The following UNC80 variants were observed in gnomAD, a reference collection of about 807,000 sequenced individuals.
The protein encoded by UNC80 is protein unc-80 homolog.
Under a neutral mutation model 384.6 loss-of-function variants are expected in UNC80, and 164 were observed. The observed-to-expected ratio is 0.43, with a 90% CI of 0.38 to 0.49. UNC80 has a LOEUF of 0.49. UNC80 is among the 20% of genes least tolerant of loss of function. UNC80 has a pLI of 0.00. For synonymous variants in UNC80, 1,486 were observed against 1,527.8 expected (o/e 0.97, Z 0.64); for missense variants, 3,330 against 4,143.0 (o/e 0.80, Z 5.39).
chr2:209,955,205 T>G (rs572040594), intron 48 of UNC80, among the ~76,000 whole-genome samples: 5 of 152,198 alleles, frequency 3.3e-5, no homozygotes, highest in African/African-American at 1.2e-4. Context: ...AGTGTGAAAT[T>G]GTCTACGCCT....
chr2:209,903,320 A>ATATGTGTGTG (rs1553582548), intron 28 of UNC80, among the ~76,000 whole-genome samples: 94 of 105,784 alleles, frequency 8.9e-4, no homozygotes, highest in African/African-American at 3.3e-3. Flanking sequence ...ATTATATTAT[A>ATATGTGTGTG]TGTGTGTGTG....
At chr2:209,942,039 G>A (rs1234861137) in intron 44 of UNC80, among the ~76,000 whole-genome samples, 1 of 152,162 alleles carries the variant, frequency 6.6e-6, no homozygotes, top group South Asian at 2.1e-4. Flanking sequence ...TGGTTTTGAT[G>A]CCCTAGAACA....
rs530862952 is a variant in UNC80 at position 209,825,919 on chromosome 2, C to T, written c.2344C>T (p.Pro782Ser). The change falls in exon 14 of 65, where the codon CCT becomes TCT. Residue 782 changes from proline to serine, a missense_variant. Around this residue, in one of 8 missense-constraint regions of UNC80, gnomAD observed 937 missense variants for 1,026.8 expected, o/e 0.91. Transcript: ENST00000673920. ...TCGTGGGTACCAGGATGAAAGTACA[C>T]CTGTAAGCAACCATAGGCTTGCTCT... ...DKNQEKDEST[P>S]VSNHRLALTM... 1.9e-6 allele frequency: 3 copies of T among 1,545,584 alleles called. No individual in the cohort carries two copies. The African/African-American group carries it at 4.1e-5, about 21-fold the overall frequency.
chr2:209,889,589 C>T (rs2124909255), intron 26 of UNC80, among the ~76,000 whole-genome samples: 1 of 152,180 alleles, frequency 6.6e-6, no homozygotes, highest in East Asian at 1.9e-4. Context: ...GTTTGCTGCA[C>T]CCATCAACCT....
chr2:209,966,505 A>G (rs1297020020), intron 51 of UNC80, among the ~76,000 whole-genome samples: 3 of 152,364 alleles, frequency 2.0e-5, no homozygotes, highest in Non-Finnish European at 1.5e-5. Context: ...CTTTAAGGCT[A>G]TGTACATCAT....
At chr2:209,911,253 GA>G (rs2088906399) in intron 29 of UNC80, among the ~76,000 whole-genome samples, 2 of 152,128 alleles carry the variant, frequency 1.3e-5, no homozygotes, top group East Asian at 1.9e-4. Flanking sequence ...TATTAATGTG[GA>G]AAACTATTGC....
At chr2:209,857,779 T>C (rs2083044678) in intron 22 of UNC80, among the ~76,000 whole-genome samples, 1 of 152,230 alleles carries the variant, frequency 6.6e-6, no homozygotes, top group South Asian at 2.1e-4. Flanking sequence ...AAGTACTTTC[T>C]AATTTCTTTA....
Position 209,994,113 on chromosome 2 carries a change from C to T in UNC80, c.9557C>T (p.Ala3186Val). The T allele has an allele frequency of 6.4e-7, 1 of 1,551,610 alleles. No individual in the cohort carries two copies. The highest frequency in any genetic ancestry group is 8.7e-7 in the Non-Finnish European group (1 of 1,146,934). Residue 3186 changes from alanine (A) to valine (V), a missense_variant, in exon 64 of 65, where the codon GCA (alanine) becomes GTA (valine). By Grantham distance (64) the Ala-to-Val change is moderately conservative. This residue lies in a region of UNC80 where 236 missense variants were observed against 254.9 expected (regional missense o/e 0.93). Transcript: ENST00000673920. Reference protein sequence around the residue: ...VTFIEAQPEPAAAPTDALPAT... With the variant: ...VTFIEAQPEPVAAPTDALPAT... ...TTCATTGAGGCTCAGCCAGAGCCAGCAGCTGCCCCAACAGATGCGCTTCCT... is the reference window on the plus strand; with the variant it reads ...TTCATTGAGGCTCAGCCAGAGCCAGTAGCTGCCCCAACAGATGCGCTTCCT...
intron 7 of UNC80, among the ~76,000 whole-genome samples, chr2:209,807,648 C>A (rs898293253): frequency 2.0e-5 from 3 of 151,832 alleles, no homozygotes; most frequent in Admixed American, 1.3e-4. Flanking sequence ...CAGGCATGAG[C>A]CACCACACCT....
At chr2:209,880,913 A>G in intron 24 of UNC80, 48 bp from the exon 25 acceptor site, 1 of 1,535,634 alleles carries the variant, frequency 6.5e-7, no homozygotes, top group Non-Finnish European at 8.8e-7. Flanking sequence ...GCATTTCTGT[A>G]TTTTTTGTTG....
intron 51 of UNC80, 31 bp downstream of exon 51, chr2:209,959,738 T>C (rs1374909760): frequency 6.5e-7 from 1 of 1,539,656 alleles, no homozygotes; most frequent in Admixed American, 2.0e-5. Context: ...GCCCCAAGTG[T>C]GAACACAGCT....
At chr2:209,796,567 T>C (rs1214954751) in intron 7 of UNC80, 1 of 152,260 alleles carries the variant, frequency 6.6e-6, no homozygotes, top group Admixed American at 6.5e-5. Flanking sequence ...AATTCTCATG[T>C]ATTGTGGGAG....
At chr2:209,917,485 CT>C (rs2089648151) in intron 31 of UNC80, among the ~76,000 whole-genome samples, 1 of 152,118 alleles carries the variant, frequency 6.6e-6, no homozygotes, top group African/African-American at 2.4e-5. Flanking sequence ...TCAGGATGTA[CT>C]TTTTTAATTT....
intron 60 of UNC80, among the ~76,000 whole-genome samples, chr2:209,984,013 T>A (rs79265443): frequency 0.011 from 1,648 of 152,286 alleles, 23 homozygotes; most frequent in African/African-American, 0.035. Context: ...TCCAGTTTTC[T>A]AAATGGTTTA....
intron 13 of UNC80, among the ~76,000 whole-genome samples, chr2:209,825,634 T>C (rs1434552076): frequency 2.6e-5 from 4 of 152,184 alleles, no homozygotes; most frequent in Non-Finnish European, 5.9e-5. Context: ...CAGTCAAGGA[T>C]ATAAAAGCAT....
Position 209,904,754 on chromosome 2 carries a change from T to A in UNC80, c.4582-11T>A. ...TTGCCTGGCTGAGTCTCAGGAATGT[T>A]TGTATTCCAGGTGATGATCTTGCTG... is the stretch of plus-strand genomic sequence containing the variant. On this transcript the variant is annotated splice_polypyrimidine_tract_variant and intron_variant, in intron 28 of 64. Coordinates refer to ENST00000673920, the MANE Select transcript of UNC80 (RefSeq NM_001371986.1). 1 of 1,551,634 alleles carries A rather than the reference T, an allele frequency of 6.4e-7. No individual in the cohort carries two copies. The highest frequency in any genetic ancestry group is 8.7e-7 in the Non-Finnish European group (1 of 1,146,842).
chr2:209,991,657 C>G (rs1206481811), intron 61 of UNC80, among the ~76,000 whole-genome samples: 1 of 152,210 alleles, frequency 6.6e-6, no homozygotes, highest in Non-Finnish European at 1.5e-5. Context: ...TCAGTAGTCA[C>G]AGAGACTTCA....
intron 64 of UNC80, among the ~76,000 whole-genome samples, chr2:209,995,128 A>G (rs1015073652): frequency 1.3e-5 from 2 of 152,214 alleles, no homozygotes; most frequent in Non-Finnish European, 2.9e-5. Context: ...AAGACAAAAA[A>G]TTGTGTTCAT....
chr2:209,928,405 A>T (rs1483747919), intron 36 of UNC80, among the ~76,000 whole-genome samples: 1 of 151,936 alleles, frequency 6.6e-6, no homozygotes, highest in Non-Finnish European at 1.5e-5. Flanking sequence ...CATACTCCAA[A>T]CTGTTAATAG....
Sources: gnomAD v4.1 joint callset for allele counts (sites outside exome capture counted in the v4.1 genomes callset) on GRCh38, gnomAD v4.1.1 for gene constraint, gnomAD v4.1.1 regional missense constraint, MANE v1.5 for transcripts, NCBI Gene and HGNC (gene_info 2026-07-23, HGNC 2026-07-21) for gene names.